CDC25C: variants seen among roughly 807,000 people sequenced by gnomAD.
The protein encoded by CDC25C is cell division cycle 25C, also known as M-phase inducer phosphatase 3.
In CDC25C, 48 loss-of-function variants were observed where a neutral mutation model predicts 52.5. The ratio of observed to expected loss-of-function variants is 0.91; its 90% CI spans 0.72 to 1.16. The LOEUF (loss-of-function observed/expected upper bound fraction) is 1.16, where lower values mean the gene tolerates loss of function less well. Among genes scored for constraint, CDC25C ranks in the 50% most tolerant of loss-of-function variants. The probability of loss-of-function intolerance (pLI) is 0.00; values close to 1 mark genes in which losing one functional copy is unlikely to be tolerated. For missense variants in CDC25C, 510 were observed against 566.1 expected, an observed-to-expected ratio of 0.90 and a Z score of 1.01; for synonymous variants, 187 against 206.5, an observed-to-expected ratio of 0.91 and a Z score of 0.81.
intron 7 of CDC25C, among the ~76,000 whole-genome samples, chr5:138,298,364 G>A (rs1757370757): frequency 6.6e-6 from 1 of 152,106 alleles, no homozygotes; most frequent in Non-Finnish European, 1.5e-5. Flanking sequence ...AGACCTAACA[G>A]ACACCTAGAG....
chr5:138,301,760 G>A (rs970049204), intron 7 of CDC25C, among the ~76,000 whole-genome samples: 35 of 144,934 alleles, frequency 2.4e-4, no homozygotes, highest in Admixed American at 1.1e-3. Flanking sequence ...CTGGAGTGCA[G>A]TGGTGCTATC....
At chr5:138,333,423 T>G (rs1196921980), upstream of CDC25C, 1 of 152,226 alleles carries the variant, frequency 6.6e-6, no homozygotes, top group East Asian at 1.9e-4. Context: ...AATACCCTTT[T>G]CATCTGCAGA....
At chr5:138,295,238 T>A (rs1757084154) in intron 7 of CDC25C, among the ~76,000 whole-genome samples, 3 of 152,208 alleles carry the variant, frequency 2.0e-5, no homozygotes, top group African/African-American at 7.2e-5. Flanking sequence ...ATAATTAAGG[T>A]GATTAACATC....
intron 8 of CDC25C, among the ~76,000 whole-genome samples, chr5:138,291,699 G>A (rs571980459): frequency 3.3e-5 from 5 of 151,756 alleles, no homozygotes; most frequent in Admixed American, 1.3e-4. Flanking sequence ...GATTATAGGC[G>A]TGAGCCACTG....
chr5:138,337,140 A>AT (rs1760758005), intron 1 of CDC25C: 1 of 152,232 alleles, frequency 6.6e-6, no homozygotes, highest in Non-Finnish European at 1.5e-5. Flanking sequence ...ACACGAACGC[A>AT]TTGTTTAAAG....
intron 7 of CDC25C, among the ~76,000 whole-genome samples, chr5:138,309,505 CGAGATCACACCATCA>C (rs1758282119): frequency 6.6e-6 from 1 of 151,238 alleles, no homozygotes; most frequent in Non-Finnish European, 1.5e-5. Flanking sequence ...TGCAGTGAGC[CGAGATCACACCATCA>C]CACTCCAGCC....
At chr5:138,329,724 T>C in intron 2 of CDC25C, 77 bp from the exon 3 acceptor site, 2 of 609,582 alleles carry the variant, frequency 3.3e-6, no homozygotes, top group East Asian at 3.3e-5. Context: ...TGTCATCCTC[T>C]TCTTTTTTTT....
Position 138,285,616 on chromosome 5 carries a change from C to A in CDC25C, c.*76G>T. On this transcript the variant is annotated 3_prime_UTR_variant, in exon 14 of 14. Transcript: ENST00000323760. The stretch of plus-strand genomic sequence containing the variant: ...TTTTAATAATCTTGGGTTTGGCCAT[C>A]CAGAAGGCCTCTTTCTGCTCAGGGT... 1 of 1,404,730 alleles carries A rather than the reference C, an allele frequency of 7.1e-7. No individual in the cohort carries two copies. The highest frequency in any genetic ancestry group is 9.9e-7 in the Non-Finnish European group (1 of 1,011,870). The allele number at this position is 1,404,730 out of a possible 1,614,324, so 87.0% of individuals were successfully genotyped here.
chr5:138,319,815 T>C (rs1210346420), intron 6 of CDC25C, among the ~76,000 whole-genome samples: 1 of 152,150 alleles, frequency 6.6e-6, no homozygotes, highest in Non-Finnish European at 1.5e-5. Flanking sequence ...GAAATGCATA[T>C]GAAAATTGCA....
At chr5:138,305,170 T>C (rs1387308655) in intron 7 of CDC25C, among the ~76,000 whole-genome samples, 1 of 152,172 alleles carries the variant, frequency 6.6e-6, no homozygotes, top group African/African-American at 2.4e-5. Context: ...TGGCCCTAAC[T>C]TAATACCAGC....
In CDC25C at chr5:138,308,480, A is replaced by T. The variant is rs190071645; in HGVS notation, c.615+10739T>A. 5.9e-5 allele frequency among the ~76,000 whole-genome samples: 9 copies of T among 152,320 alleles called. No homozygotes were observed. The East Asian group carries it at 1.7e-3, about 29-fold the overall frequency. On this transcript the variant is annotated intron_variant, in intron 7 of 13. Transcript: ENST00000323760. ...ATTACAACATTCTGCAAATGTGAAG[A>T]CTAACATATTTGTAAAAGTGATCCT...
At chr5:138,330,601 G>A (rs544441856) in intron 2 of CDC25C, among the ~76,000 whole-genome samples, 2 of 152,192 alleles carry the variant, frequency 1.3e-5, no homozygotes, top group African/African-American at 4.8e-5. Flanking sequence ...TCCACCTCCC[G>A]GGCTCAAGCA....
In CDC25C at chr5:138,330,900, C is replaced by T. The variant is rs1307406705; in HGVS notation, c.194+87G>A. 7.6e-6 allele frequency: 7 copies of T among 922,888 alleles called. No individual in the cohort carries two copies. In the East Asian group the frequency reaches 1.7e-4, roughly 22 times the overall value. The allele number at this position is 922,888 out of a possible 1,614,324, so 57.2% of individuals were successfully genotyped here. On this transcript the variant is annotated intron_variant, in intron 2 of 13. Transcript: ENST00000323760. ...GAGACTTAAAGCCTGACCTTTGAGC[C>T]GGGATAATTGAAAACAAACCAACAA... is the stretch of plus-strand genomic sequence containing the variant.
chr5:138,308,167 G>A lies in CDC25C; in HGVS notation c.615+11052C>T, dbSNP rs184491363. 6.6e-5 allele frequency among the ~76,000 whole-genome samples: 10 copies of A among 152,210 alleles called. No homozygotes were observed. The East Asian group carries it at 1.9e-3, about 29-fold the overall frequency. On this transcript the variant is annotated intron_variant, in intron 7 of 13. Coordinates refer to ENST00000323760, the MANE Select transcript of CDC25C (RefSeq NM_001790.5). Reference sequence around the variant, plus strand: ...ACCTGTGTTGATCCATGGCCCACGGGTTGGGAAAACCTGTTCCAGAATATT... The same window carrying A: ...ACCTGTGTTGATCCATGGCCCACGGATTGGGAAAACCTGTTCCAGAATATT...
chr5:138,307,490 C>CAAAAAAAAAAAAAAAAAAAAAAAAAA (rs57593237), intron 7 of CDC25C, among the ~76,000 whole-genome samples: 1 of 88,248 alleles, frequency 1.1e-5, no homozygotes, highest in Non-Finnish European at 2.0e-5. Flanking sequence ...GAGACTGCCA[C>CAAAAAAAAAAAAAAAAAAAAAAAAAA]AAAAAAAAAA....
At chr5:138,303,096 C>T (rs1757756586) in intron 7 of CDC25C, among the ~76,000 whole-genome samples, 1 of 152,128 alleles carries the variant, frequency 6.6e-6, no homozygotes, top group African/African-American at 2.4e-5. Context: ...AAACAAAAAA[C>T]CTGTTCCTGC....
chr5:138,301,425 A>G lies in CDC25C; in HGVS notation c.616-9309T>C, dbSNP rs542602897. Among the ~76,000 whole-genome samples the G allele has an allele frequency of 5.6e-4, 86 of 152,316 alleles. No homozygotes were observed. In the East Asian group the frequency reaches 5.8e-3, roughly 10 times the overall value. On this transcript the variant is annotated intron_variant, in intron 7 of 13. Coordinates refer to ENST00000323760, the MANE Select transcript of CDC25C (RefSeq NM_001790.5). ...GAAACAGTTAAACTGAGTAGTTCCT[A>G]TCTGTAAAGTAAGTTGAATTTGTTA...
chr5:138,327,122 G>T (rs1759946219), intron 4 of CDC25C, among the ~76,000 whole-genome samples: 1 of 151,186 alleles, frequency 6.6e-6, no homozygotes, highest in South Asian at 2.1e-4. Flanking sequence ...GGGCGTCGTG[G>T]CATGTGCCTG....
intron 4 of CDC25C, among the ~76,000 whole-genome samples, chr5:138,327,119 G>A (rs984426635): frequency 1.3e-5 from 2 of 151,286 alleles, no homozygotes; most frequent in African/African-American, 4.9e-5. Flanking sequence ...GCTGGGCGTC[G>A]TGGCATGTGC....
Sources: gnomAD v4.1 joint callset for allele counts (sites outside exome capture counted in the v4.1 genomes callset) on GRCh38, gnomAD v4.1.1 for gene constraint, MANE v1.5 for transcripts, NCBI Gene and HGNC (gene_info 2026-07-23, HGNC 2026-07-21) for gene names.